KIAA1217: variants seen among roughly 807,000 people sequenced by gnomAD.
The protein encoded by KIAA1217 is sickle tail protein homolog.
A neutral mutation model predicts 163.9 loss-of-function variants in KIAA1217; 88 were observed. The ratio of observed to expected loss-of-function variants is 0.54; its 90% confidence interval spans 0.45 to 0.64. The LOEUF is 0.64. Among genes scored for constraint, KIAA1217 ranks in the 30% least tolerant of loss-of-function variants. The pLI is 0.00. For synonymous variants in KIAA1217, 903 were observed against 923.1 expected, an observed-to-expected ratio of 0.98 and a Z score of 0.39; for missense variants, 2,372 against 2,475.0, an observed-to-expected ratio of 0.96 and a Z score of 0.88.
intron 1 of KIAA1217, among the ~76,000 whole-genome samples, chr10:23,987,376 CA>C (rs34281134): frequency 7.8e-4 from 73 of 93,572 alleles, no homozygotes; most frequent in Non-Finnish European, 9.4e-4. Context: ...GACTCCATCT[CA>C]AAAAAAAAAA....
intron 10 of KIAA1217, among the ~76,000 whole-genome samples, chr10:24,516,676 G>A (rs2070223311): frequency 1.3e-5 from 2 of 152,112 alleles, no homozygotes; most frequent in Admixed American, 6.5e-5. Flanking sequence ...ATCATGTGCC[G>A]GACTGATTAA....
chr10:23,943,694 G>A (rs1484196509), intron 1 of KIAA1217, among the ~76,000 whole-genome samples: 4 of 152,158 alleles, frequency 2.6e-5, no homozygotes, highest in South Asian at 4.1e-4. Flanking sequence ...AACAAAATTG[G>A]AAAATCCATA....
rs1359681234 is a variant in KIAA1217 at position 23,815,987 on chromosome 10, A to T, written c.-321+120753A>T. Among the ~76,000 whole-genome samples, 4 of 152,122 alleles carry T rather than the reference A, an allele frequency of 2.6e-5. No homozygotes were observed. In the East Asian group the frequency reaches 7.7e-4, roughly 29 times the overall value. On this transcript the variant is annotated intron_variant, in intron 1 of 18. Coordinates refer to the KIAA1217 transcript ENST00000376462. ...TACAGGAAGGTACTGTCTTCCCTGGATGTTAAGTTACATTGAAATTAATAA... is the reference window on the plus strand; with the variant it reads ...TACAGGAAGGTACTGTCTTCCCTGGTTGTTAAGTTACATTGAAATTAATAA...
chr10:24,125,122 A>G (rs1356086400), intron 2 of KIAA1217, among the ~76,000 whole-genome samples: 1 of 152,132 alleles, frequency 6.6e-6, no homozygotes, highest in Non-Finnish European at 1.5e-5. Context: ...AAATACAAAA[A>G]TTAGCTGGAT....
chr10:23,805,996 CAAAAAAAAAA>C (rs71397917), intron 1 of KIAA1217, among the ~76,000 whole-genome samples: 46 of 30,500 alleles, frequency 1.5e-3, no homozygotes, highest in African/African-American at 5.3e-3. Context: ...AACTCCATCT[CAAAAAAAAAA>C]AAAAAAAAAA....
chr10:24,067,757 C>T (rs1373316258), intron 2 of KIAA1217, among the ~76,000 whole-genome samples: 1 of 152,264 alleles, frequency 6.6e-6, no homozygotes, highest in African/African-American at 2.4e-5. Context: ...CCTACAGAGG[C>T]AGGCAGGCCT....
rs559890246 is a variant in KIAA1217, at chr10:24,130,041, T to A, written c.-170-89585T>A. Among the ~76,000 whole-genome samples, 42 of 152,280 alleles carry A rather than the reference T, an allele frequency of 2.8e-4. No individual in the cohort carries two copies. The East Asian group carries it at 8.1e-3, about 29-fold the overall frequency. On this transcript the variant is annotated intron_variant, in intron 2 of 18. Transcript: ENST00000376462. ...AGTATATGCATATTCTTCAGAAACT[T>A]GTTCACCATTTGCTTCTGCCATCTC...
At chr10:24,290,620 T>G (rs2078997385) in intron 2 of KIAA1217, among the ~76,000 whole-genome samples, 1 of 151,938 alleles carries the variant, frequency 6.6e-6, no homozygotes, top group Non-Finnish European at 1.5e-5. Flanking sequence ...TTTTTTTTTT[T>G]TCAGACGGAG....
chr10:24,325,135 A>G (rs1380826339), intron 2 of KIAA1217, among the ~76,000 whole-genome samples: 1 of 152,230 alleles, frequency 6.6e-6, no homozygotes, highest in Non-Finnish European at 1.5e-5. Context: ...TATATACACA[A>G]AAACTCGGGT....
intron 2 of KIAA1217, among the ~76,000 whole-genome samples, chr10:24,052,897 TA>T (rs1429478466): frequency 5.9e-5 from 9 of 152,162 alleles, no homozygotes; most frequent in Admixed American, 5.9e-4. Flanking sequence ...CCATCTCTTC[TA>T]TAATCACATA....
intron 2 of KIAA1217, among the ~76,000 whole-genome samples, chr10:24,242,734 C>A (rs1392215411): frequency 6.6e-6 from 1 of 152,206 alleles, no homozygotes; most frequent in Non-Finnish European, 1.5e-5. Flanking sequence ...CTTTCCTCCA[C>A]AGCCTCACCA....
At chr10:24,283,456 C>G (rs1460601896) in intron 2 of KIAA1217, among the ~76,000 whole-genome samples, 2 of 152,096 alleles carry the variant, frequency 1.3e-5, no homozygotes, top group Non-Finnish European at 2.9e-5. Context: ...CACTTGAGGT[C>G]AGGAGTTCAG....
At chr10:24,148,695 C>G (rs895739347) in intron 2 of KIAA1217, among the ~76,000 whole-genome samples, 77 of 152,324 alleles carry the variant, frequency 5.1e-4, no homozygotes, top group African/African-American at 1.8e-3. Context: ...AGAAGCCTCA[C>G]AGATGCTGGT....
intron 2 of KIAA1217, among the ~76,000 whole-genome samples, chr10:24,370,736 C>T (rs964034620): frequency 4.6e-5 from 7 of 152,100 alleles, no homozygotes; most frequent in African/African-American, 7.2e-5. Context: ...GTGTGCACCA[C>T]GACTCCTGGC....
chr10:24,211,611 A>T (rs2068136295), intron 1 of KIAA1217, among the ~76,000 whole-genome samples: 1 of 148,350 alleles, frequency 6.7e-6, no homozygotes, highest in African/African-American at 2.5e-5. Flanking sequence ...TATTTTAGAG[A>T]AGGGGTCTTG....
chr10:23,921,933 T>C (rs1255512107), intron 1 of KIAA1217, among the ~76,000 whole-genome samples: 3 of 152,000 alleles, frequency 2.0e-5, no homozygotes, highest in Admixed American at 2.0e-4. Context: ...AAATGTGTCT[T>C]TTTGTGTGCT....
At chr10:24,463,909 G>A (rs1482242674) in intron 5 of KIAA1217, among the ~76,000 whole-genome samples, 1 of 152,198 alleles carries the variant, frequency 6.6e-6, no homozygotes, top group Non-Finnish European at 1.5e-5. Flanking sequence ...CGTAGTAATG[G>A]CTGTAATGTC....
chr10:23,790,132 T>C (rs1305365851), intron 1 of KIAA1217, among the ~76,000 whole-genome samples: 3 of 81,910 alleles, frequency 3.7e-5, no homozygotes, highest in African/African-American at 1.9e-4. Flanking sequence ...TATACACATA[T>C]GCATATACAC....
chr10:24,105,931 G>A lies in KIAA1217; in HGVS notation c.-171+98557G>A, dbSNP rs78891864. ...TGGAAAGAGGGCCTTGATCGAGGCA[G>A]GGAAGGCCTTCCCAGGGCGTGGGGA... On this transcript the variant is annotated intron_variant, in intron 2 of 18. Coordinates refer to the KIAA1217 transcript ENST00000376462. Among the ~76,000 whole-genome samples, 543 of 152,302 alleles carry A rather than the reference G, an allele frequency of 3.6e-3. 1 individual carries two copies. The highest frequency in any genetic ancestry group is 0.013 in the African/African-American group (520 of 41,570).
Sources: allele counts gnomAD v4.1 joint callset (sites outside exome capture counted in the v4.1 genomes callset), GRCh38; gene constraint gnomAD v4.1.1; transcripts MANE v1.5; gene names NCBI Gene and HGNC (gene_info 2026-07-23, HGNC 2026-07-21).